The following STK3 variants were observed in gnomAD, a reference collection of about 807,000 sequenced individuals.
STK3 encodes serine/threonine-protein kinase 3.
A neutral mutation model predicts 58.0 loss-of-function variants in STK3; 41 were observed. That is an observed-to-expected ratio of 0.71 (90% CI 0.55 to 0.92). The LOEUF (loss-of-function observed/expected upper bound fraction) is 0.92, where lower values mean the gene tolerates loss of function less well. STK3 is among the 40% of genes least tolerant of loss of function. The pLI is 0.00. For missense variants in STK3, 479 were observed against 602.7 expected (o/e 0.79, Z 2.15); for synonymous variants, 170 against 191.0 (o/e 0.89, Z 0.91).
chr8:98,633,548 G>A (rs1033020528), intron 6 of STK3: 1 of 719,450 alleles, frequency 1.4e-6, no homozygotes. Flanking sequence ...GAATCAGCCA[G>A]ATTCTCCAGA....
intron 10 of STK3, among the ~76,000 whole-genome samples, chr8:98,458,374 T>C (rs1819671930): frequency 6.6e-6 from 1 of 152,218 alleles, no homozygotes; most frequent in Non-Finnish European, 1.5e-5. Flanking sequence ...TAGTTCTCCC[T>C]GTAGGGATCT....
intron 7 of STK3, among the ~76,000 whole-genome samples, chr8:98,592,729 C>CTTTATTTAT (rs1382723933): frequency 6.9e-6 from 1 of 145,374 alleles, no homozygotes; most frequent in African/African-American, 2.5e-5. Flanking sequence ...TGCTCACTGA[C>CTTTATTTAT]TTACTTTATT....
At chr8:98,677,798 T>C (rs1823336530) in intron 6 of STK3, among the ~76,000 whole-genome samples, 1 of 152,202 alleles carries the variant, frequency 6.6e-6, no homozygotes, top group Non-Finnish European at 1.5e-5. Flanking sequence ...AGAACTTTTC[T>C]TCTCAAAACT....
At chr8:98,881,346 G>C (rs895342726), downstream of STK3, 1 of 152,208 alleles carries the variant, frequency 6.6e-6, no homozygotes, top group Non-Finnish European at 1.5e-5. Flanking sequence ...ACAGTAAAAG[G>C]TCAGTTGTTC....
intron 6 of STK3, among the ~76,000 whole-genome samples, chr8:98,705,217 T>C (rs1352315100): frequency 6.6e-6 from 1 of 152,078 alleles, no homozygotes; most frequent in Non-Finnish European, 1.5e-5. Context: ...GCCCAGAAGT[T>C]GGAGACCAGC....
chr8:98,603,780 G>A (rs1816553412), intron 6 of STK3, among the ~76,000 whole-genome samples: 1 of 151,898 alleles, frequency 6.6e-6, no homozygotes, highest in Non-Finnish European at 1.5e-5. Flanking sequence ...GGAAAGGAAG[G>A]AAGAAGGAAA....
At chr8:98,376,552 A>C (rs1020566175) in intron 2 of STK3, among the ~76,000 whole-genome samples, 2 of 152,152 alleles carry the variant, frequency 1.3e-5, no homozygotes, top group African/African-American at 4.8e-5. Context: ...TAGTTTATGC[A>C]TTGCATTTAG....
chr8:98,767,105 C>T (rs1476620036), intron 3 of STK3, 138 bp downstream of exon 3: 36 of 1,059,558 alleles, frequency 3.4e-5, no homozygotes, highest in Admixed American at 1.6e-4. Context: ...TGGGCAACAA[C>T]GGCAAAACCC....
chr8:98,785,895 A>G (rs1832437228), intron 1 of STK3, among the ~76,000 whole-genome samples: 1 of 152,232 alleles, frequency 6.6e-6, no homozygotes, highest in Admixed American at 6.5e-5. Context: ...AAATAATTAC[A>G]CAAATTAGCA....
chr8:98,541,688 C>A lies in STK3; in HGVS notation c.1141+6281G>T, dbSNP rs1586818594. On this transcript the variant is annotated intron_variant, in intron 9 of 10. Coordinates refer to ENST00000419617, the MANE Select transcript of STK3 (RefSeq NM_006281.4). ...CTGTTGCACTCTCATAACAGGACCA[C>A]CAGCTAGGTCACACTACATAGTGTC... 2.6e-5 allele frequency among the ~76,000 whole-genome samples: 4 copies of A among 152,264 alleles called. No individual in the cohort carries two copies. In the South Asian group the frequency reaches 6.2e-4, roughly 24 times the overall value.
chr8:98,470,955 C>G (rs1228393952), intron 10 of STK3, among the ~76,000 whole-genome samples: 4 of 152,146 alleles, frequency 2.6e-5, no homozygotes, highest in Admixed American at 2.6e-4. Context: ...AGCAGTACAA[C>G]AGAATAAAAT....
At chr8:98,573,041 T>G (rs948294161) in intron 8 of STK3, among the ~76,000 whole-genome samples, 1 of 152,100 alleles carries the variant, frequency 6.6e-6, no homozygotes, top group Non-Finnish European at 1.5e-5. Flanking sequence ...CTTGGTATCA[T>G]TGGATTTGAA....
At chr8:98,768,491 C>A (rs1237997138) in intron 2 of STK3, among the ~76,000 whole-genome samples, 1 of 152,282 alleles carries the variant, frequency 6.6e-6, no homozygotes, top group Non-Finnish European at 1.5e-5. Flanking sequence ...TTTCTTTGGG[C>A]TCTCTGAAGT....
chr8:98,929,980 T>C (rs1205479103), intron 1 of STK3, among the ~76,000 whole-genome samples: 1 of 152,200 alleles, frequency 6.6e-6, no homozygotes, highest in African/African-American at 2.4e-5. Flanking sequence ...TGCACTTTGA[T>C]TCTCCAATAT....
downstream of STK3, among the ~76,000 whole-genome samples, chr8:98,452,421 A>C (rs1024899166): frequency 6.6e-6 from 1 of 152,244 alleles, no homozygotes; most frequent in African/African-American, 2.4e-5. Flanking sequence ...TTTGAACATA[A>C]AACTATTTCT....
the STK3 span, among the ~76,000 whole-genome samples, chr8:98,360,226 T>C: frequency 6.6e-6 from 1 of 152,222 alleles, no homozygotes; most frequent in African/African-American, 2.4e-5. Flanking sequence ...TAGAAAAGCC[T>C]ATTCTGACTC....
chr8:98,356,770 G>A, the STK3 span, among the ~76,000 whole-genome samples: 5 of 152,180 alleles, frequency 3.3e-5, no homozygotes, highest in Non-Finnish European at 7.3e-5. Flanking sequence ...TAGGTTAGGC[G>A]TTACTTTCAA....
At chr8:98,727,060 T>C (rs1435989344) in intron 4 of STK3, among the ~76,000 whole-genome samples, 3 of 152,218 alleles carry the variant, frequency 2.0e-5, no homozygotes, top group Non-Finnish European at 4.4e-5. Flanking sequence ...CATATTCTGA[T>C]TTCCCTCTAG....
chr8:98,476,648 A>G (rs998021928), intron 10 of STK3, among the ~76,000 whole-genome samples: 1 of 152,224 alleles, frequency 6.6e-6, no homozygotes, highest in Non-Finnish European at 1.5e-5. Flanking sequence ...ATAAAACAAA[A>G]CTTACCACAA....
Sources: gnomAD v4.1 joint callset for allele counts (sites outside exome capture counted in the v4.1 genomes callset) on GRCh38, gnomAD v4.1.1 for gene constraint, MANE v1.5 for transcripts, NCBI Gene and HGNC (gene_info 2026-07-23, HGNC 2026-07-21) for gene names.